IQSEC1: variants seen among roughly 807,000 people sequenced by gnomAD.
IQSEC1 encodes the protein IQ motif and Sec7 domain ArfGEF 1.
IQSEC1 carries 31 observed loss-of-function variants against 91.0 expected under a neutral mutation model. The ratio of observed to expected loss-of-function variants is 0.34; its 90% CI spans 0.26 to 0.46. The LOEUF is 0.46. IQSEC1 is among the 20% of genes least tolerant of loss of function. IQSEC1 has a pLI of 1.00. For missense variants in IQSEC1, 1,388 were observed against 1,575.6 expected (o/e 0.88, Z 2.02); for synonymous variants, 699 against 662.6 (o/e 1.05, Z -0.84).
intron 1 of IQSEC1, among the ~76,000 whole-genome samples, chr3:12,984,815 A>ATTTTTT (rs767194681): frequency 7.8e-5 from 8 of 102,230 alleles, no homozygotes; most frequent in Non-Finnish European, 1.3e-4. Flanking sequence ...AAGCAATTAC[A>ATTTTTT]TTTTTTTTTT....
At position 12,956,575 on chromosome 3, in the gene IQSEC1, T is replaced by C. The variant is rs146668174; in HGVS notation, c.24-14710A>G. On this transcript the variant is annotated intron_variant, in intron 1 of 13. Coordinates refer to ENST00000613206, the MANE Select transcript of IQSEC1 (RefSeq NM_001134382.3). ...TCCTAAGTTTCCTAGGGTTAGAATA[T>C]AATTTTCAAAGCCATCTGATACCTG... Among the ~76,000 whole-genome samples the C allele has an allele frequency of 8.2e-3, 1,242 of 152,334 alleles. 21 individuals carry two copies. The highest frequency in any genetic ancestry group is 0.029 in the African/African-American group (1,192 of 41,564).
intron 1 of IQSEC1, among the ~76,000 whole-genome samples, chr3:12,958,872 T>C (rs1437387288): frequency 6.6e-6 from 1 of 152,224 alleles, no homozygotes; most frequent in East Asian, 1.9e-4. Context: ...TGCCAGGCTC[T>C]AAGCCCAGCA....
chr3:13,272,918 A>G (rs1695613408), intron 1 of IQSEC1, among the ~76,000 whole-genome samples: 1 of 152,224 alleles, frequency 6.6e-6, no homozygotes, highest in East Asian at 1.9e-4. Context: ...GTGGGTAGAT[A>G]AGAGACATGT....
At chr3:12,998,408 A>G (rs1702299869) in intron 1 of IQSEC1, among the ~76,000 whole-genome samples, 1 of 152,168 alleles carries the variant, frequency 6.6e-6, no homozygotes, top group South Asian at 2.1e-4. Context: ...GCATCTCTAC[A>G]TGGACTGATA....
At chr3:12,996,333 G>C (rs753291519) in intron 1 of IQSEC1, among the ~76,000 whole-genome samples, 1 of 152,208 alleles carries the variant, frequency 6.6e-6, no homozygotes, top group Non-Finnish European at 1.5e-5. Context: ...AAAGGTTTTA[G>C]AATCTGTTGG....
At chr3:13,061,093 G>A (rs192022085) in intron 1 of IQSEC1, among the ~76,000 whole-genome samples, 17 of 152,238 alleles carry the variant, frequency 1.1e-4, no homozygotes, top group Admixed American at 3.3e-4. Flanking sequence ...CAGGCCACGC[G>A]TGGCCTGGCC....
chr3:13,083,354 C>A lies in IQSEC1; in HGVS notation c.303-35832G>T, dbSNP rs3856812. Among the ~76,000 whole-genome samples the A allele has an allele frequency of 6.7e-3, 1,018 of 152,330 alleles. 9 individuals carry two copies. Among genetic ancestry groups the A allele is most frequent in the African/African-American group, 0.023 (975 of 41,570 alleles). ...CACTGGTCCTTCACCCACTGAGAGGCAGTGTGGCAGCAGATAACAACCGTG... is the reference window on the plus strand; with the variant it reads ...CACTGGTCCTTCACCCACTGAGAGGAAGTGTGGCAGCAGATAACAACCGTG... On this transcript the variant is annotated intron_variant, in intron 2 of 15. Transcript: ENST00000648114.
chr3:13,002,545 T>G (rs1576146876), intron 1 of IQSEC1, among the ~76,000 whole-genome samples: 1 of 63,064 alleles, frequency 1.6e-5, no homozygotes, highest in African/African-American at 8.3e-5. Context: ...AGACCTGATC[T>G]CCAAAAAAAA....
At chr3:12,993,274 G>C (rs1003314620) in intron 1 of IQSEC1, among the ~76,000 whole-genome samples, 1 of 152,204 alleles carries the variant, frequency 6.6e-6, no homozygotes, top group African/African-American at 2.4e-5. Flanking sequence ...AAGGTCACAC[G>C]GGGTTGGGAG....
At chr3:13,197,921 G>C (rs1694165623) in intron 1 of IQSEC1, among the ~76,000 whole-genome samples, 1 of 152,360 alleles carries the variant, frequency 6.6e-6, no homozygotes, top group Middle Eastern at 3.4e-3. Context: ...AGGCTGCCCA[G>C]CAGGAGCGGA....
intron 5 of IQSEC1, among the ~76,000 whole-genome samples, chr3:12,921,145 G>C (rs1025920608): frequency 6.6e-6 from 1 of 151,980 alleles, no homozygotes; most frequent in African/African-American, 2.4e-5. Flanking sequence ...TGCCACTCCC[G>C]CTGCCACCCC....
At chr3:13,083,049 C>G (rs1355706800) in intron 2 of IQSEC1, among the ~76,000 whole-genome samples, 1 of 152,204 alleles carries the variant, frequency 6.6e-6, no homozygotes, top group Non-Finnish European at 1.5e-5. Flanking sequence ...AATAATTACA[C>G]ACTGGTTTAC....
At chr3:12,904,137 G>C (rs1490402504) in intron 12 of IQSEC1, among the ~76,000 whole-genome samples, 1 of 152,260 alleles carries the variant, frequency 6.6e-6, no homozygotes, top group African/African-American at 2.4e-5. Flanking sequence ...ACAGGTGGAG[G>C]AAGTGCTGTG....
At chr3:13,094,189 T>C (rs1705916554) in intron 2 of IQSEC1, among the ~76,000 whole-genome samples, 1 of 152,122 alleles carries the variant, frequency 6.6e-6, no homozygotes, top group African/African-American at 2.4e-5. Flanking sequence ...CGTATCACAG[T>C]GGAGAAGCCG....
At chr3:13,137,400 A>G (rs1417679461) in intron 2 of IQSEC1, among the ~76,000 whole-genome samples, 1 of 152,242 alleles carries the variant, frequency 6.6e-6, no homozygotes, top group African/African-American at 2.4e-5. Flanking sequence ...GCTTAGAAAC[A>G]ATACAATGTT....
intron 3 of IQSEC1, among the ~76,000 whole-genome samples, chr3:12,933,794 C>T (rs1465041156): frequency 6.6e-6 from 1 of 152,218 alleles, no homozygotes; most frequent in African/African-American, 2.4e-5. Flanking sequence ...ATGCTGAGTC[C>T]AAGAGGATGT....
chr3:12,985,523 C>T (rs1053784133), intron 1 of IQSEC1, among the ~76,000 whole-genome samples: 1 of 152,058 alleles, frequency 6.6e-6, no homozygotes, highest in African/African-American at 2.4e-5. Flanking sequence ...TGCCCTGTGC[C>T]AGGCTGCAGC....
rs758035076 is a variant in IQSEC1, at chr3:12,902,779, A to T, written c.2799T>A (p.Asn933Lys). 3 of 1,611,322 alleles carry T rather than the reference A, an allele frequency of 1.9e-6. No individual in the cohort carries two copies. The highest frequency in any genetic ancestry group is 2.5e-6 in the Non-Finnish European group (3 of 1,179,020). Residue 933 changes from asparagine (N) to lysine (K), a missense_variant, in exon 13 of 14, where the codon AAT (asparagine) becomes AAA (lysine). By Grantham distance (94) the Asn-to-Lys change is moderately conservative (BLOSUM62 0). Coordinates refer to ENST00000613206, the MANE Select transcript of IQSEC1 (RefSeq NM_001134382.3). ...RRSSAGSLES[N>K]VEGSIISSPH... is the part of the protein sequence containing the mutation. ...AGAGGCGCTTCCTACTTACTTCCAC[A>T]TTGCTCTCTAGCGATCCCGCACTGC...
chr3:12,947,515 T>TG (rs1453820488), intron 1 of IQSEC1, among the ~76,000 whole-genome samples: 1 of 151,374 alleles, frequency 6.6e-6, no homozygotes, highest in Admixed American at 6.6e-5. Flanking sequence ...ATCTGCACCA[T>TG]GGAGGAGTCT....
Sources: gnomAD v4.1 joint callset for allele counts (sites outside exome capture counted in the v4.1 genomes callset) on GRCh38, gnomAD v4.1.1 for gene constraint, MANE v1.5 for transcripts, NCBI Gene and HGNC (gene_info 2026-07-23, HGNC 2026-07-21) for gene names.